Variants in SCRG1 observed in about 807,000 individuals in gnomAD.
SCRG1 encodes the protein stimulator of chondrogenesis 1.
Under a neutral mutation model 7.7 loss-of-function variants are expected in SCRG1, and 3 were observed. That is an observed-to-expected ratio of 0.39 (90% CI 0.18 to 1.01). The LOEUF (loss-of-function observed/expected upper bound fraction) is 1.01, where lower values mean the gene tolerates loss of function less well. Among genes scored for constraint, SCRG1 ranks in the 50% least tolerant of loss-of-function variants. The probability of loss-of-function intolerance (pLI) is 0.36; values close to 1 mark genes in which losing one functional copy is unlikely to be tolerated. For synonymous variants in SCRG1, 46 were observed against 41.2 expected (o/e 1.12, Z -0.44); for missense variants, 110 against 117.2 (o/e 0.94, Z 0.28).
the SCRG1 span, among the ~76,000 whole-genome samples, chr4:173,494,122 G>A: frequency 6.6e-6 from 1 of 152,088 alleles, no homozygotes; most frequent in Admixed American, 6.5e-5. Context: ...GGTTACTTAG[G>A]AACAGGCCAC....
At chr4:173,439,746 C>G in the SCRG1 span, among the ~76,000 whole-genome samples, 1 of 152,136 alleles carries the variant, frequency 6.6e-6, no homozygotes, top group African/African-American at 2.4e-5. Context: ...ATAGATAATT[C>G]TTGTCCCTTC....
the SCRG1 span, among the ~76,000 whole-genome samples, chr4:173,459,923 G>A: frequency 6.6e-6 from 1 of 152,116 alleles, no homozygotes; most frequent in South Asian, 2.1e-4. Context: ...AAATACATGT[G>A]TGAGGAGACT....
chr4:173,435,022 C>T, the SCRG1 span, among the ~76,000 whole-genome samples: 1 of 151,924 alleles, frequency 6.6e-6, no homozygotes, highest in African/African-American at 2.4e-5. Context: ...TTTTGAAAAA[C>T]CACCTTATGC....
the SCRG1 span, among the ~76,000 whole-genome samples, chr4:173,423,992 C>A: frequency 1.3e-5 from 2 of 152,164 alleles, no homozygotes. Flanking sequence ...TTATAACTAA[C>A]CCACTCCCCC....
chr4:173,518,975 C>A, the SCRG1 span, among the ~76,000 whole-genome samples: 1 of 151,886 alleles, frequency 6.6e-6, no homozygotes, highest in Non-Finnish European at 1.5e-5. Flanking sequence ...GCGCCCCTAC[C>A]CACCGGGTTG....
At chr4:173,418,375 C>A in the SCRG1 span, among the ~76,000 whole-genome samples, 1 of 152,232 alleles carries the variant, frequency 6.6e-6, no homozygotes, top group Non-Finnish European at 1.5e-5. Flanking sequence ...TTCCTTCAGT[C>A]CTGGCTCCTG....
At chr4:173,426,270 C>T in the SCRG1 span, among the ~76,000 whole-genome samples, 1 of 152,158 alleles carries the variant, frequency 6.6e-6, no homozygotes, top group Non-Finnish European at 1.5e-5. Flanking sequence ...CAGGTTTCTC[C>T]TCATTCATCC....
chr4:173,485,054 ATTATATATT>A, the SCRG1 span, among the ~76,000 whole-genome samples: 4 of 24,968 alleles, frequency 1.6e-4, no homozygotes, highest in African/African-American at 7.5e-4. Context: ...TATATAATAT[ATTATATATT>A]ATATATTATA....
the SCRG1 span, among the ~76,000 whole-genome samples, chr4:173,506,482 A>G: frequency 6.6e-6 from 1 of 152,092 alleles, no homozygotes; most frequent in African/African-American, 2.4e-5. The surrounding 1 kb of genome is among the most constrained non-coding windows in gnomAD (Gnocchi z 5.3). Context: ...TTGCACCTCA[A>G]TTTTCTTGTA....
chr4:173,476,363 A>AATATATATATATATATATATATATAT, the SCRG1 span, among the ~76,000 whole-genome samples: 3 of 98,270 alleles, frequency 3.1e-5, no homozygotes, highest in African/African-American at 3.1e-5. Context: ...GGAAAAAAAA[A>AATATATATATATATATATATATATAT]ATATATATAT....
At chr4:173,421,653 C>A in the SCRG1 span, among the ~76,000 whole-genome samples, 204 of 152,274 alleles carry the variant, frequency 1.3e-3, no homozygotes, top group African/African-American at 4.6e-3. Flanking sequence ...CCTACCTTTT[C>A]TACTTCACAA....
chr4:173,392,878 G>A (rs1739493305), intron 1 of SCRG1, among the ~76,000 whole-genome samples: 1 of 152,148 alleles, frequency 6.6e-6, no homozygotes, highest in Non-Finnish European at 1.5e-5. Flanking sequence ...ATCACCTGAG[G>A]TCAGGAGTTT....
chr4:173,416,059 G>A, the SCRG1 span, among the ~76,000 whole-genome samples: 1 of 152,230 alleles, frequency 6.6e-6, no homozygotes, highest in Non-Finnish European at 1.5e-5. Context: ...GGCAGGGGCC[G>A]TGCAGTCTCC....
In SCRG1 at chr4:173,388,289, G is replaced by T; in HGVS notation, c.*52C>A. On this transcript the variant is annotated 3_prime_UTR_variant, in exon 3 of 3. Transcript: ENST00000296506. ...CTAGAAATGCAGTTATACTGATGTA[G>T]TGCAGTTTGTGGGAAATCAGGAATG... The T allele has an allele frequency of 8.0e-7, 1 of 1,257,226 alleles. No homozygotes were observed. Among genetic ancestry groups the T allele is most frequent in the Non-Finnish European group, 1.2e-6 (1 of 861,144 alleles). 77.9% of individuals were successfully genotyped at this position (1,257,226 alleles called of 1,614,324 possible).
the SCRG1 span, among the ~76,000 whole-genome samples, chr4:173,491,857 C>G: frequency 6.6e-6 from 1 of 152,122 alleles, no homozygotes; most frequent in Non-Finnish European, 1.5e-5. Context: ...AGGCTGGGTG[C>G]GGTGGCTCAT....
At chr4:173,422,090 A>G in the SCRG1 span, among the ~76,000 whole-genome samples, 1 of 152,230 alleles carries the variant, frequency 6.6e-6, no homozygotes, top group Non-Finnish European at 1.5e-5. Context: ...TTTATATTTT[A>G]TAGCATGTTC....
At chr4:173,509,833 C>T in the SCRG1 span, among the ~76,000 whole-genome samples, 1 of 152,134 alleles carries the variant, frequency 6.6e-6, no homozygotes, top group Non-Finnish European at 1.5e-5. This position sits in a 1 kb window ranked among gnomAD's most constrained non-coding sequence, Gnocchi z 5.7. Context: ...AACTGAGCGC[C>T]GGCTGGAAGG....
chr4:173,475,460 A>G, the SCRG1 span, among the ~76,000 whole-genome samples: 77 of 152,372 alleles, frequency 5.1e-4, 1 homozygote, highest in African/African-American at 1.7e-3. Flanking sequence ...GAAGGCAAAG[A>G]TATAGAAAAA....
chr4:173,385,840 C>T lies in SCRG1; in HGVS notation c.*2501G>A, dbSNP rs1368427600. Reference sequence around the variant, plus strand: ...CACTGGATCTTTAATGCTTTTTCCCCCTCAAGGAGAGTTCCTACCAAGTAG... The same window carrying T: ...CACTGGATCTTTAATGCTTTTTCCCTCTCAAGGAGAGTTCCTACCAAGTAG... On this transcript the variant is annotated 3_prime_UTR_variant, in exon 3 of 3. Transcript: ENST00000296506. 1 of 152,118 alleles carries T rather than the reference C, an allele frequency of 6.6e-6. No individual in the cohort carries two copies. Among genetic ancestry groups the T allele is most frequent in the African/African-American group, 2.4e-5 (1 of 41,436 alleles). The allele number at this position is 152,118 out of a possible 1,614,324, so 9.4% of individuals were successfully genotyped here. A position where few individuals can be genotyped will look rare whatever the true frequency, so the allele number is the denominator to read the frequency against.
Sources: allele counts gnomAD v4.1 joint callset (sites outside exome capture counted in the v4.1 genomes callset), GRCh38; gene constraint gnomAD v4.1.1; non-coding constraint Gnocchi (gnomAD v3.1); transcripts MANE v1.5; gene names NCBI Gene and HGNC (gene_info 2026-07-23, HGNC 2026-07-21).